Variants in EPAS1 observed in about 807,000 individuals in gnomAD.
EPAS1 encodes endothelial PAS domain-containing protein 1.
A neutral mutation model predicts 87.9 loss-of-function variants in EPAS1; 23 were observed. The observed-to-expected ratio is 0.26, with a 90% CI of 0.19 to 0.37. The LOEUF (loss-of-function observed/expected upper bound fraction) is 0.37, where lower values mean the gene tolerates loss of function less well. Among genes scored for constraint, EPAS1 ranks in the 10% least tolerant of loss-of-function variants. The pLI is 1.00. For missense variants in EPAS1, 1,138 were observed against 1,120.7 expected (o/e 1.02, Z -0.22); for synonymous variants, 508 against 444.3 (o/e 1.14, Z -1.80).
In EPAS1 at chr2:46,384,706, C is replaced by G; in HGVS notation, c.*46C>G. The G allele has an allele frequency of 6.2e-7, 1 of 1,604,750 alleles. No individual in the cohort carries two copies. On this transcript the variant is annotated 3_prime_UTR_variant, in exon 16 of 16. Coordinates refer to ENST00000263734, the MANE Select transcript of EPAS1 (RefSeq NM_001430.5). ...AGCACCTCTGCCGACGCCGTCCCAC[C>G]AGCTTCACTCTCTCCGTCTGTTTTT...
chr2:46,362,977 A>AGTGGTGGTAGTGGTG (rs1684428172), intron 6 of EPAS1, among the ~76,000 whole-genome samples: 1 of 104,338 alleles, frequency 9.6e-6, no homozygotes, highest in African/African-American at 3.7e-5. Flanking sequence ...TGGTGGTGGT[A>AGTGGTGGTAGTGGTG]GTGGTGGTGG....
At chr2:46,309,582 C>T (rs1251422090) in intron 1 of EPAS1, among the ~76,000 whole-genome samples, 1 of 152,152 alleles carries the variant, frequency 6.6e-6, no homozygotes, top group Non-Finnish European at 1.5e-5. Context: ...AGCATGAAGA[C>T]CTAGGTCTGT....
At chr2:46,324,048 G>T (rs939990588) in intron 1 of EPAS1, among the ~76,000 whole-genome samples, 7 of 152,184 alleles carry the variant, frequency 4.6e-5, no homozygotes, top group Non-Finnish European at 8.8e-5. Flanking sequence ...AAAAGCAAGG[G>T]CAGGGTGAAT....
chr2:46,361,096 G>A lies in EPAS1; in HGVS notation c.779+6G>A, dbSNP rs767428835. The A allele has an allele frequency of 5.6e-6, 9 of 1,614,004 alleles. No individual in the cohort carries two copies. The Admixed American group carries it at 1.0e-4, about 18-fold the overall frequency. On this transcript the variant is annotated splice_donor_region_variant and intron_variant, in intron 6 of 15. Coordinates refer to ENST00000263734, the MANE Select transcript of EPAS1 (RefSeq NM_001430.5). ...TTCACCTACTGTGATGACAGGTAGGGGGCCATGGGTGTGTATGCTGTGGGC... is the reference window on the plus strand; with the variant it reads ...TTCACCTACTGTGATGACAGGTAGGAGGCCATGGGTGTGTATGCTGTGGGC...
intron 1 of EPAS1, among the ~76,000 whole-genome samples, chr2:46,344,693 T>G (rs1683985388): frequency 6.6e-6 from 1 of 152,052 alleles, no homozygotes; most frequent in African/African-American, 2.4e-5. Flanking sequence ...CAGGGGTAGG[T>G]GTCCTGAAGG....
At chr2:46,352,471 G>A (rs749788039) in intron 2 of EPAS1, among the ~76,000 whole-genome samples, 5 of 152,182 alleles carry the variant, frequency 3.3e-5, no homozygotes, top group Non-Finnish European at 5.9e-5. Context: ...TGTAGGGAGC[G>A]CGTGCATTTT....
At chr2:46,298,048 G>C in intron 1 of EPAS1, 111 bp downstream of exon 1, 1 of 1,355,000 alleles carries the variant, frequency 7.4e-7, no homozygotes, top group Non-Finnish European at 1.0e-6. Flanking sequence ...GGTCTTCGGA[G>C]CTCGAGGCTC....
At chr2:46,329,812 A>G (rs924385265) in intron 1 of EPAS1, among the ~76,000 whole-genome samples, 4 of 152,128 alleles carry the variant, frequency 2.6e-5, no homozygotes, top group Admixed American at 2.0e-4. Context: ...GCAAGACTCC[A>G]TCTCAAAACA....
intron 1 of EPAS1, among the ~76,000 whole-genome samples, chr2:46,299,895 G>A (rs936996707): frequency 6.6e-5 from 10 of 152,232 alleles, no homozygotes; most frequent in African/African-American, 2.2e-4. Flanking sequence ...TGGCGAGAGC[G>A]GCCGCTTTAA....
chr2:46,300,174 AATTAAAATATGTGAACCAATAC>A lies in EPAS1; in HGVS notation c.26+2241_26+2262del, dbSNP rs1682969380. On this transcript the variant is annotated intron_variant, in intron 1 of 15. Transcript: ENST00000263734. This position sits in a 1 kb window ranked among gnomAD's most constrained non-coding sequence, Gnocchi z 4.1. ...CAGGCTTCTTTAGGGACCAAGATGT[AATTAAAATATGTGAACCAATAC>A]ATTGAAAGTTGGTGTTGTCATGTAA... 6.6e-6 allele frequency among the ~76,000 whole-genome samples: 1 copy of A among 152,218 alleles called. No homozygotes were observed. The highest frequency in any genetic ancestry group is 1.5e-5 in the Non-Finnish European group (1 of 68,038).
Position 46,328,885 on chromosome 2 carries a change from T to G in EPAS1, c.27-17988T>G, listed in dbSNP as rs573192521. Among the ~76,000 whole-genome samples, 9 of 152,350 alleles carry G rather than the reference T, an allele frequency of 5.9e-5. No individual in the cohort carries two copies. The South Asian group carries it at 1.9e-3, about 32-fold the overall frequency. On this transcript the variant is annotated intron_variant, in intron 1 of 15. Transcript: ENST00000263734. Reference sequence around the variant, plus strand: ...AGCACCTTTTTCTTCTCTTTCACATTTTACCCTTGTCTCATTCCCTGTTCC... The same window carrying G: ...AGCACCTTTTTCTTCTCTTTCACATGTTACCCTTGTCTCATTCCCTGTTCC...
rs984625836 is a variant in EPAS1 at position 46,347,490 on chromosome 2, C to T, written c.217+427C>T. 5.7e-5 allele frequency: 15 copies of T among 260,978 alleles called. No individual in the cohort carries two copies. Among genetic ancestry groups the T allele is most frequent in the African/African-American group, 3.3e-4 (15 of 45,530 alleles). The allele number at this position is 260,978 out of a possible 1,614,324, so 16.2% of individuals were successfully genotyped here. The stretch of plus-strand genomic sequence containing the variant: ...AGAAGGTGTGCCCGGATGATCTTTT[C>T]CCTCTGAGAAGCCAGTTAGGCCAAG... On this transcript the variant is annotated intron_variant, in intron 2 of 15. Coordinates refer to ENST00000263734, the MANE Select transcript of EPAS1 (RefSeq NM_001430.5). This position sits in a 1 kb window ranked among gnomAD's most constrained non-coding sequence, Gnocchi z 4.2.
intron 1 of EPAS1, among the ~76,000 whole-genome samples, chr2:46,314,613 G>T (rs1029823276): frequency 6.6e-6 from 1 of 152,192 alleles, no homozygotes; most frequent in African/African-American, 2.4e-5. Flanking sequence ...TTGGCTCAGA[G>T]ATCCCCAATA....
chr2:46,338,927 T>A (rs1228937950), intron 1 of EPAS1, among the ~76,000 whole-genome samples: 1 of 43,324 alleles, frequency 2.3e-5, no homozygotes, highest in East Asian at 7.3e-4. Context: ...TTTCATGGGG[T>A]GGGGGTGGGG....
intron 1 of EPAS1, among the ~76,000 whole-genome samples, chr2:46,325,516 C>G (rs1325048577): frequency 6.6e-6 from 1 of 152,136 alleles, no homozygotes; most frequent in Non-Finnish European, 1.5e-5. Flanking sequence ...GTGGTGACCT[C>G]CTAGTAGTTC....
rs116386607 is a variant in EPAS1, at chr2:46,349,860, C to T, written c.217+2797C>T. 7.8e-3 allele frequency among the ~76,000 whole-genome samples: 1,191 copies of T among 152,256 alleles called. 12 individuals carry two copies. Among genetic ancestry groups the T allele is most frequent in the Middle Eastern group, 0.037 (11 of 294 alleles). On this transcript the variant is annotated intron_variant, in intron 2 of 15. Coordinates refer to ENST00000263734, the MANE Select transcript of EPAS1 (RefSeq NM_001430.5). ...ACATGTAGCGTTATGAAGAGGAGTACGGGATTTGTGGGCAGATAGACCTGC... is the reference window on the plus strand; with the variant it reads ...ACATGTAGCGTTATGAAGAGGAGTATGGGATTTGTGGGCAGATAGACCTGC...
intron 2 of EPAS1, among the ~76,000 whole-genome samples, chr2:46,354,953 A>G (rs548577365): frequency 6.6e-6 from 1 of 152,262 alleles, no homozygotes; most frequent in South Asian, 2.1e-4. Context: ...CCCTTCTTGC[A>G]TTCCACAGAG....
chr2:46,301,822 T>A (rs2346417), intron 1 of EPAS1, among the ~76,000 whole-genome samples: 57,230 of 146,728 alleles, frequency 0.39, 13,927 homozygotes, highest in Middle Eastern at 0.58. Flanking sequence ...TGTTTGCTTT[T>A]TGAAAAAAAA....
chr2:46,321,899 G>A lies in EPAS1; in HGVS notation c.26+23962G>A, dbSNP rs370127310. On this transcript the variant is annotated intron_variant, in intron 1 of 15. Transcript: ENST00000263734. ...ACCTCAGTAGACCTATTTTCAGTTC[G>A]TGCTGTGGAGCATGTGAAACTATTT... 6.7e-4 allele frequency among the ~76,000 whole-genome samples: 102 copies of A among 152,258 alleles called. 1 individual carries two copies. In the South Asian group the frequency reaches 8.3e-3, roughly 12 times the overall value.
Sources: allele counts gnomAD v4.1 joint callset (sites outside exome capture counted in the v4.1 genomes callset), GRCh38; gene constraint gnomAD v4.1.1; non-coding constraint Gnocchi (gnomAD v3.1); transcripts MANE v1.5; gene names NCBI Gene and HGNC (gene_info 2026-07-23, HGNC 2026-07-21).